TMEM108: variants seen among roughly 807,000 people sequenced by gnomAD.
TMEM108 encodes the protein transmembrane protein 108.
Under a neutral mutation model 35.1 loss-of-function variants are expected in TMEM108, and 12 were observed. That is an observed-to-expected ratio of 0.34 (90% CI 0.22 to 0.55). The LOEUF is 0.55. TMEM108 is among the 20% of genes least tolerant of loss of function. The pLI, the probability that TMEM108 is intolerant of heterozygous loss-of-function variation, is 0.89. For missense variants in TMEM108, 680 were observed against 753.3 expected, an observed-to-expected ratio of 0.90 and a Z score of 1.14; for synonymous variants, 287 against 308.6, an observed-to-expected ratio of 0.93 and a Z score of 0.73.
At chr3:133,230,397 T>C (rs1293405771) in intron 3 of TMEM108, among the ~76,000 whole-genome samples, 2 of 152,218 alleles carry the variant, frequency 1.3e-5, no homozygotes, top group African/African-American at 4.8e-5. Flanking sequence ...CGTCAGCCTG[T>C]TTCAGCCTGG....
chr3:133,140,299 C>G (rs1223449370), intron 2 of TMEM108, among the ~76,000 whole-genome samples: 1 of 152,114 alleles, frequency 6.6e-6, no homozygotes, highest in Non-Finnish European at 1.5e-5. Flanking sequence ...CATCTTGAGT[C>G]TCTTCTATTA....
chr3:133,323,368 C>G (rs2071290170), intron 3 of TMEM108, among the ~76,000 whole-genome samples: 1 of 152,136 alleles, frequency 6.6e-6, no homozygotes, highest in Non-Finnish European at 1.5e-5. Flanking sequence ...ATCAGTAGCA[C>G]TGCTATACAC....
chr3:133,219,342 G>C (rs543854639), intron 2 of TMEM108, among the ~76,000 whole-genome samples: 3 of 151,834 alleles, frequency 2.0e-5, no homozygotes, highest in Non-Finnish European at 4.4e-5. Flanking sequence ...TGGTCTCTCT[G>C]TCATTTATTT....
chr3:133,378,349 C>G, intron 3 of TMEM108: 1 of 985,516 alleles, frequency 1.0e-6, no homozygotes, highest in Non-Finnish European at 1.2e-6. Flanking sequence ...CAGGGCCCTG[C>G]CTTCTCCATC....
chr3:133,066,793 C>G (rs1943613541), intron 2 of TMEM108, among the ~76,000 whole-genome samples: 1 of 152,164 alleles, frequency 6.6e-6, no homozygotes, highest in Admixed American at 6.5e-5. Context: ...GTGCTCTTTA[C>G]CAATTGCATT....
At chr3:133,324,567 G>A (rs570405967) in intron 3 of TMEM108, among the ~76,000 whole-genome samples, 1 of 152,310 alleles carries the variant, frequency 6.6e-6, no homozygotes, top group African/African-American at 2.4e-5. Flanking sequence ...TACACTGTTG[G>A]TGGAAATGTA....
chr3:133,180,057 G>GATTA (rs1945308926), intron 2 of TMEM108, among the ~76,000 whole-genome samples: 1 of 151,972 alleles, frequency 6.6e-6, no homozygotes, highest in African/African-American at 2.4e-5. Flanking sequence ...GACTCCCTTG[G>GATTA]ATTAAGGCTT....
chr3:133,258,748 CAG>C (rs1288401367), intron 3 of TMEM108, among the ~76,000 whole-genome samples: 2 of 152,150 alleles, frequency 1.3e-5, no homozygotes, highest in African/African-American at 4.8e-5. Context: ...TTCATTCAGA[CAG>C]AGAGAGAGTT....
intron 2 of TMEM108, among the ~76,000 whole-genome samples, chr3:133,091,481 A>G (rs1348313986): frequency 1.3e-5 from 2 of 152,184 alleles, no homozygotes; most frequent in Non-Finnish European, 2.9e-5. Context: ...TTCCCCTGAC[A>G]TTTATTGATT....
chr3:133,099,574 T>C (rs1235936346), intron 2 of TMEM108, among the ~76,000 whole-genome samples: 1 of 152,238 alleles, frequency 6.6e-6, no homozygotes, highest in Non-Finnish European at 1.5e-5. Context: ...TAAAACAGAA[T>C]GCTCTTAATA....
chr3:133,265,820 A>G (rs1946689230), intron 3 of TMEM108, among the ~76,000 whole-genome samples: 1 of 152,216 alleles, frequency 6.6e-6, no homozygotes, highest in African/African-American at 2.4e-5. Context: ...TCACCAACCT[A>G]AAATTTAACA....
chr3:133,321,978 G>T (rs1239197291), intron 3 of TMEM108, among the ~76,000 whole-genome samples: 1 of 152,140 alleles, frequency 6.6e-6, no homozygotes, highest in Non-Finnish European at 1.5e-5. Context: ...CCTTTGAACT[G>T]AATGATAATT....
intron 2 of TMEM108, among the ~76,000 whole-genome samples, chr3:133,066,136 A>G (rs189464735): frequency 6.6e-6 from 1 of 152,014 alleles, no homozygotes; most frequent in East Asian, 1.9e-4. Context: ...AGTAATTCCC[A>G]TTACTTAGAC....
At chr3:133,199,636 G>A (rs868341690) in intron 2 of TMEM108, among the ~76,000 whole-genome samples, 2 of 152,074 alleles carry the variant, frequency 1.3e-5, no homozygotes, top group Admixed American at 6.5e-5. Context: ...CTGCCTAATC[G>A]TTCCTCTGGA....
chr3:133,383,143 A>C (rs2073056831), intron 4 of TMEM108, among the ~76,000 whole-genome samples: 1 of 152,252 alleles, frequency 6.6e-6, no homozygotes, highest in Admixed American at 6.5e-5. Flanking sequence ...AAGTAACTAC[A>C]GTAGAGACAG....
chr3:133,158,196 G>T (rs554792919), intron 2 of TMEM108, among the ~76,000 whole-genome samples: 11 of 152,228 alleles, frequency 7.2e-5, no homozygotes, highest in African/African-American at 2.6e-4. Context: ...TGGGCTAGGT[G>T]TGGTGGCTCA....
chr3:133,327,121 T>C (rs555209937), intron 3 of TMEM108, among the ~76,000 whole-genome samples: 7 of 152,232 alleles, frequency 4.6e-5, no homozygotes, highest in African/African-American at 1.7e-4. Flanking sequence ...TTGTGTACTT[T>C]GTGAAGGATG....
chr3:133,164,887 A>G (rs1010342758), intron 2 of TMEM108, among the ~76,000 whole-genome samples: 4 of 152,232 alleles, frequency 2.6e-5, no homozygotes, highest in African/African-American at 4.8e-5. Context: ...GCATTAATGT[A>G]TCCAACCAGA....
chr3:133,233,374 A>AT (rs34919850), intron 3 of TMEM108, among the ~76,000 whole-genome samples: 30,513 of 151,798 alleles, frequency 0.2, 3,592 homozygotes, highest in Middle Eastern at 0.32. Context: ...TAAACTCATC[A>AT]TTTTTTATGG....
Sources: allele counts gnomAD v4.1 joint callset (sites outside exome capture counted in the v4.1 genomes callset), GRCh38; gene constraint gnomAD v4.1.1; transcripts MANE v1.5; gene names NCBI Gene and HGNC (gene_info 2026-07-23, HGNC 2026-07-21).